SCARA3: variants seen among roughly 807,000 people sequenced by gnomAD.
SCARA3 encodes the protein cellular stress response gene protein.
SCARA3 carries 39 observed loss-of-function variants against 47.0 expected under a neutral mutation model. The ratio of observed to expected loss-of-function variants is 0.83; its 90% CI spans 0.64 to 1.08. SCARA3 has a LOEUF of 1.08. Among genes scored for constraint, SCARA3 ranks in the 50% least tolerant of loss-of-function variants. The pLI is 0.00. For synonymous variants in SCARA3, 356 were observed against 334.1 expected (o/e 1.07, Z -0.71); for missense variants, 724 against 792.3 (o/e 0.91, Z 1.04).
chr8:27,690,939 A>T, the SCARA3 span, among the ~76,000 whole-genome samples: 51,598 of 151,758 alleles, frequency 0.34, 9,637 homozygotes, highest in East Asian at 0.45. Flanking sequence ...CTCCTTAGAC[A>T]CCCAATGTGC....
the SCARA3 span, among the ~76,000 whole-genome samples, chr8:27,714,772 A>G: frequency 6.6e-6 from 1 of 152,224 alleles, no homozygotes; most frequent in South Asian, 2.1e-4. Context: ...GCTTGGAGCC[A>G]AGAAAAATCC....
the SCARA3 span, chr8:27,703,688 G>A: frequency 6.6e-6 from 1 of 152,096 alleles, no homozygotes; most frequent in Non-Finnish European, 1.5e-5. Context: ...CAGGACTCCG[G>A]ACCTGGAAAG....
intron 5 of SCARA3, among the ~76,000 whole-genome samples, chr8:27,667,293 G>A (rs1802036531): frequency 6.6e-6 from 1 of 152,252 alleles, no homozygotes; most frequent in Non-Finnish European, 1.5e-5. Flanking sequence ...CTGGAGGGCA[G>A]GTGGTGCCCT....
chr8:27,671,590 A>G lies in SCARA3; in HGVS notation c.*239A>G, dbSNP rs1563414994. 5.6e-6 allele frequency: 7 copies of G among 1,242,056 alleles called. No homozygotes were observed. The highest frequency in any genetic ancestry group is 5.0e-6 in the Non-Finnish European group (5 of 995,550). 76.9% of individuals were successfully genotyped at this position (1,242,056 alleles called of 1,614,324 possible). ...TGCATGCACACACATGCACACATAC[A>G]CGCACATGCACACATACACATGCAT... is the stretch of plus-strand genomic sequence containing the variant. On this transcript the variant is annotated 3_prime_UTR_variant, in exon 6 of 6. Transcript: ENST00000301904.
At chr8:27,670,826 G>T in intron 5 of SCARA3, 74 bp from the exon 6 acceptor site, 1 of 1,297,430 alleles carries the variant, frequency 7.7e-7, no homozygotes, top group African/African-American at 1.5e-5. Context: ...CGCCGTGCCC[G>T]CTCTGCTCAT....
At chr8:27,718,630 A>G in the SCARA3 span, among the ~76,000 whole-genome samples, 1 of 152,244 alleles carries the variant, frequency 6.6e-6, no homozygotes, top group South Asian at 2.1e-4. Context: ...AAAACAGTGG[A>G]ATAATTCATT....
chr8:27,661,741 G>C (rs941913379), intron 5 of SCARA3, among the ~76,000 whole-genome samples: 16 of 152,158 alleles, frequency 1.1e-4, no homozygotes, highest in Non-Finnish European at 1.9e-4. Context: ...CCCCTCATCT[G>C]GTCCTGGCTC....
the SCARA3 span, among the ~76,000 whole-genome samples, chr8:27,708,353 G>A: frequency 3.9e-4 from 60 of 152,242 alleles, 2 homozygotes; most frequent in South Asian, 0.01. Flanking sequence ...TGTAATCATA[G>A]CATACTACTT....
At chr8:27,637,599 G>A (rs894768119) in intron 1 of SCARA3, among the ~76,000 whole-genome samples, 6 of 152,128 alleles carry the variant, frequency 3.9e-5, no homozygotes, top group African/African-American at 9.7e-5. Flanking sequence ...TCAGTGGTGA[G>A]GTGGCTGGAA....
At position 27,634,007 on chromosome 8, in the gene SCARA3, C is replaced by T. The variant is rs1004541967; in HGVS notation, c.-194C>T. The T allele has an allele frequency of 1.5e-5, 5 of 328,116 alleles. No individual in the cohort carries two copies. The highest frequency in any genetic ancestry group is 2.7e-5 in the Non-Finnish European group (5 of 187,458). The allele number at this position is 328,116 out of a possible 1,614,324, so 20.3% of individuals were successfully genotyped here. On this transcript the variant is annotated 5_prime_UTR_variant, in exon 1 of 6. Coordinates refer to ENST00000301904, the MANE Select transcript of SCARA3 (RefSeq NM_016240.3). ...CGGCGGGGCTTCCCCAGGCTGCGAC[C>T]CCGCGGGACCCTCCACTCCTCCCGC...
chr8:27,678,048 T>C (rs1376003254), downstream of SCARA3, among the ~76,000 whole-genome samples: 1 of 152,106 alleles, frequency 6.6e-6, no homozygotes, highest in Non-Finnish European at 1.5e-5. Flanking sequence ...GCTAAAGCAG[T>C]GTATGGAGGG....
At chr8:27,691,921 T>C in the SCARA3 span, among the ~76,000 whole-genome samples, 2 of 152,094 alleles carry the variant, frequency 1.3e-5, no homozygotes, top group Non-Finnish European at 2.9e-5. Context: ...TCTACTTCCC[T>C]ATGTATCTCC....
At chr8:27,731,624 A>C in the SCARA3 span, among the ~76,000 whole-genome samples, 1 of 139,632 alleles carries the variant, frequency 7.2e-6, no homozygotes, top group Non-Finnish European at 1.5e-5. Context: ...CCTGGGCAAC[A>C]GAGCGAGACT....
the SCARA3 span, among the ~76,000 whole-genome samples, chr8:27,716,046 C>T: frequency 1.4e-4 from 21 of 152,090 alleles, no homozygotes; most frequent in Admixed American, 2.6e-4. Context: ...TGGCTCATGC[C>T]TGTAATCCCA....
chr8:27,700,590 G>C, the SCARA3 span, among the ~76,000 whole-genome samples: 31 of 139,100 alleles, frequency 2.2e-4, no homozygotes, highest in East Asian at 6.5e-3. Flanking sequence ...CTAAGCAACA[G>C]AGCAAAACTC....
chr8:27,676,524 A>G, downstream of SCARA3: 2 of 1,605,580 alleles, frequency 1.2e-6, no homozygotes, highest in Middle Eastern at 3.3e-4. Flanking sequence ...GTGAGGAACA[A>G]ACTATTAAAT....
chr8:27,693,322 C>T, the SCARA3 span, among the ~76,000 whole-genome samples: 1 of 152,150 alleles, frequency 6.6e-6, no homozygotes, highest in Non-Finnish European at 1.5e-5. Flanking sequence ...GTTCTTAGGA[C>T]CTCTTGAGAC....
upstream of SCARA3, among the ~76,000 whole-genome samples, chr8:27,633,489 TA>T (rs33993350): frequency 0.33 from 50,304 of 152,050 alleles, 8,706 homozygotes; most frequent in East Asian, 0.5. Flanking sequence ...CTCGACATCA[TA>T]AGATGGGCGA....
the SCARA3 span, among the ~76,000 whole-genome samples, chr8:27,720,366 C>T: frequency 5.3e-5 from 8 of 152,006 alleles, no homozygotes; most frequent in South Asian, 4.2e-4. Context: ...ATTACAAACA[C>T]GAAATTAGAG....
Sources: allele counts gnomAD v4.1 joint callset (sites outside exome capture counted in the v4.1 genomes callset), GRCh38; gene constraint gnomAD v4.1.1; transcripts MANE v1.5; gene names NCBI Gene and HGNC (gene_info 2026-07-23, HGNC 2026-07-21).